FBXL13: variants seen among roughly 807,000 people sequenced by gnomAD.
FBXL13 encodes F-box and leucine-rich repeat protein 13.
FBXL13 carries 67 observed loss-of-function variants against 83.6 expected under a neutral mutation model. That is an observed-to-expected ratio of 0.80 (90% confidence interval 0.66 to 0.98). FBXL13 has a LOEUF of 0.98. Among genes scored for constraint, FBXL13 ranks in the 50% least tolerant of loss-of-function variants. FBXL13 has a pLI of 0.00. For synonymous variants in FBXL13, 272 were observed against 299.5 expected, an observed-to-expected ratio of 0.91 and a Z score of 0.95; for missense variants, 822 against 866.5, an observed-to-expected ratio of 0.95 and a Z score of 0.64.
intron 6 of FBXL13, among the ~76,000 whole-genome samples, chr7:102,970,339 C>A (rs1254405995): frequency 6.6e-6 from 1 of 151,910 alleles, no homozygotes; most frequent in African/African-American, 2.4e-5. Flanking sequence ...ATAATAAATT[C>A]ATTTTTTTTA....
intron 17 of FBXL13, among the ~76,000 whole-genome samples, chr7:102,840,514 C>T (rs540962246): frequency 8.7e-4 from 132 of 152,286 alleles, no homozygotes; most frequent in African/African-American, 3.1e-3. Flanking sequence ...ATTTGCACAG[C>T]CAGCCACCTC....
intron 2 of FBXL13, among the ~76,000 whole-genome samples, chr7:103,043,815 G>A (rs1795999025): frequency 6.6e-6 from 1 of 152,134 alleles, no homozygotes. Context: ...CACCCAACCT[G>A]AATATACACA....
At chr7:102,824,173 C>T (rs11981980) in intron 18 of FBXL13, among the ~76,000 whole-genome samples, 34,049 of 152,098 alleles carry the variant, frequency 0.22, 4,575 homozygotes, top group East Asian at 0.59. Flanking sequence ...CAGATGGAAA[C>T]AACTTTGCTG....
chr7:102,954,691 C>T (rs1038841784), intron 8 of FBXL13, among the ~76,000 whole-genome samples: 4 of 151,928 alleles, frequency 2.6e-5, no homozygotes, highest in African/African-American at 9.7e-5. Flanking sequence ...TAAAGGGATG[C>T]GGGAAGATCT....
intron 8 of FBXL13, among the ~76,000 whole-genome samples, chr7:102,942,029 GC>G (rs1821564041): frequency 6.6e-6 from 1 of 152,104 alleles, no homozygotes; most frequent in African/African-American, 2.4e-5. Context: ...TCCCCTGAAG[GC>G]CTTTTAATCT....
intron 16 of FBXL13, among the ~76,000 whole-genome samples, chr7:102,856,657 C>T (rs929478572): frequency 6.6e-6 from 1 of 152,114 alleles, no homozygotes; most frequent in Non-Finnish European, 1.5e-5. Context: ...TTGAATTGAT[C>T]AACATTATTA....
intron 17 of FBXL13, among the ~76,000 whole-genome samples, chr7:102,835,566 A>G (rs1012080991): frequency 1.3e-5 from 2 of 151,656 alleles, no homozygotes; most frequent in African/African-American, 4.8e-5. Flanking sequence ...TTTTAATAAT[A>G]CAAGAATTTT....
intron 11 of FBXL13, among the ~76,000 whole-genome samples, chr7:102,904,480 A>AC (rs1563069068): frequency 1.3e-5 from 2 of 150,668 alleles, no homozygotes; most frequent in African/African-American, 4.9e-5. Context: ...TGTTGGTGTT[A>AC]TTTTTTTTCT....
chr7:102,879,644 C>A (rs890925341), intron 14 of FBXL13, among the ~76,000 whole-genome samples: 3 of 152,100 alleles, frequency 2.0e-5, no homozygotes, highest in Non-Finnish European at 4.4e-5. Context: ...GGGGTTTCAT[C>A]CCTAAAGATT....
Position 103,055,616 on chromosome 7 carries a change from C to G in FBXL13, c.-1+28G>C, listed in dbSNP as rs187654907. ...AGTTTTCCTTCAAAATAAAATATTT[C>G]CCTATCAAAAATCAAAACAATACTT... is the stretch of plus-strand genomic sequence containing the variant. On this transcript the variant is annotated intron_variant, in intron 2 of 19. Transcript: ENST00000313221. 108 of 1,028,346 alleles carry G rather than the reference C, an allele frequency of 1.1e-4. 1 individual carries two copies. Among genetic ancestry groups the G allele is most frequent in the African/African-American group, 1.7e-5 (1 of 58,988 alleles). The allele number at this position is 1,028,346 out of a possible 1,614,324, so 63.7% of individuals were successfully genotyped here.
chr7:102,898,494 A>G lies in FBXL13; in HGVS notation c.1009-14182T>C, dbSNP rs141227665. Among the ~76,000 whole-genome samples, 442 of 152,110 alleles carry G rather than the reference A, an allele frequency of 2.9e-3. 3 individuals carry two copies. The Middle Eastern group carries it at 0.031, about 11-fold the overall frequency. ...TATTTGTAGAGACAGGGTCTCCCCT[A>G]TGTTGCTCAGGCTGGTCTTGGACTC... On this transcript the variant is annotated intron_variant, in intron 11 of 19. Transcript: ENST00000313221.
chr7:102,901,382 C>A (rs1311328364), intron 11 of FBXL13, among the ~76,000 whole-genome samples: 2 of 152,162 alleles, frequency 1.3e-5, no homozygotes, highest in Non-Finnish European at 2.9e-5. Context: ...GTATCCATCC[C>A]CTTAAGCATT....
At chr7:103,002,303 C>A (rs1218282179) in intron 6 of FBXL13, among the ~76,000 whole-genome samples, 1 of 152,148 alleles carries the variant, frequency 6.6e-6, no homozygotes, top group Non-Finnish European at 1.5e-5. Flanking sequence ...TAAAACTCTA[C>A]ACTTTAACTC....
At chr7:102,843,225 C>T (rs1462257469) in intron 17 of FBXL13, among the ~76,000 whole-genome samples, 1 of 152,130 alleles carries the variant, frequency 6.6e-6, no homozygotes, top group Non-Finnish European at 1.5e-5. Flanking sequence ...AGGCGGATCA[C>T]CTGAGGTCAG....
chr7:102,908,983 G>A (rs1814209389), intron 11 of FBXL13, among the ~76,000 whole-genome samples: 1 of 152,196 alleles, frequency 6.6e-6, no homozygotes, highest in Admixed American at 6.5e-5. Flanking sequence ...TCCTCTTCAG[G>A]GTGGTGAGGT....
chr7:102,923,693 G>A (rs1025255880), intron 10 of FBXL13, among the ~76,000 whole-genome samples: 5 of 151,822 alleles, frequency 3.3e-5, no homozygotes, highest in Non-Finnish European at 7.4e-5. Flanking sequence ...GCGTGGTGGC[G>A]GGCGCCTGTA....
At chr7:103,035,330 G>T (rs1038437690) in intron 2 of FBXL13, among the ~76,000 whole-genome samples, 3 of 152,156 alleles carry the variant, frequency 2.0e-5, no homozygotes, top group African/African-American at 7.2e-5. Flanking sequence ...GACACAAATG[G>T]GTAGAACTTG....
intron 6 of FBXL13, among the ~76,000 whole-genome samples, chr7:102,985,750 G>GT (rs540176280): frequency 8.4e-4 from 128 of 152,280 alleles, no homozygotes; most frequent in Non-Finnish European, 1.6e-3. Context: ...AGACCTCAGA[G>GT]TTTTGGTTCA....
At chr7:102,879,287 T>C (rs573498142) in intron 14 of FBXL13, among the ~76,000 whole-genome samples, 34 of 152,312 alleles carry the variant, frequency 2.2e-4, no homozygotes, top group Admixed American at 1.3e-3. Flanking sequence ...CACCCTCCGT[T>C]TGTTCAGATT....
Sources: allele counts gnomAD v4.1 joint callset (sites outside exome capture counted in the v4.1 genomes callset), GRCh38; gene constraint gnomAD v4.1.1; transcripts MANE v1.5; gene names NCBI Gene and HGNC (gene_info 2026-07-23, HGNC 2026-07-21).